Variants in BRAP observed in about 807,000 individuals in gnomAD.
BRAP encodes the protein BRCA1-associated protein.
In BRAP, 42 loss-of-function variants were observed where a neutral mutation model predicts 73.4. The ratio of observed to expected loss-of-function variants is 0.57; its 90% CI spans 0.45 to 0.74. The LOEUF (loss-of-function observed/expected upper bound fraction) is 0.74. Among genes scored for constraint, BRAP ranks in the 30% least tolerant of loss-of-function variants. The pLI is 0.00. For synonymous variants in BRAP, 255 were observed against 267.4 expected, an observed-to-expected ratio of 0.95 and a Z score of 0.45; for missense variants, 593 against 751.4, an observed-to-expected ratio of 0.79 and a Z score of 2.46.
chr12:111,678,882 G>A (rs1166856612), intron 4 of BRAP, among the ~76,000 whole-genome samples: 1 of 151,360 alleles, frequency 6.6e-6, no homozygotes, highest in Non-Finnish European at 1.5e-5. Context: ...AGCACTTTGG[G>A]AGGCCAAGGC....
At chr12:111,671,158 AG>A (rs1887156453) in intron 5 of BRAP, among the ~76,000 whole-genome samples, 1 of 152,134 alleles carries the variant, frequency 6.6e-6, no homozygotes, top group Admixed American at 6.6e-5. Flanking sequence ...TAAAATAAAG[AG>A]CTGTATTGCT....
At chr12:111,655,335 A>T (rs763818300) in intron 10 of BRAP, among the ~76,000 whole-genome samples, 318 of 90,864 alleles carry the variant, frequency 3.5e-3, no homozygotes, top group Non-Finnish European at 5.0e-3. Flanking sequence ...ACTGAGGTTT[A>T]AAAAAAAAAA....
intron 5 of BRAP, among the ~76,000 whole-genome samples, chr12:111,668,645 C>CTT (rs560483710): frequency 7.2e-6 from 1 of 139,686 alleles, no homozygotes; most frequent in African/African-American, 2.6e-5. Context: ...AAAAAGAATT[C>CTT]TTTTTTTTTT....
At chr12:111,648,977 G>T (rs1221768779) in intron 11 of BRAP, among the ~76,000 whole-genome samples, 1 of 151,902 alleles carries the variant, frequency 6.6e-6, no homozygotes, top group Non-Finnish European at 1.5e-5. Flanking sequence ...CTCCAGCCTG[G>T]GTGACAGGGA....
At position 111,655,619 on chromosome 12, in the gene BRAP, G is replaced by A. The variant is rs1225143986; in HGVS notation, c.1258C>T (p.Arg420Ter). The A allele has an allele frequency of 4.3e-6, 7 of 1,613,472 alleles. No homozygotes were observed. Among genetic ancestry groups the A allele is most frequent in the East Asian group, 2.2e-5 (1 of 44,884 alleles). ...ACTATCTTGTTTTCCCAGTAGATTC[G>A]CTGAGATTCCAGCTGGCTTGTTAGT... The part of the protein sequence containing the change: ...YLLTSQLESQ[R>*]IYWENKIVRI... The change falls in exon 10 of 12, where the codon CGA becomes TGA. Residue 420 changes from arginine to a stop codon, truncating the protein, a stop_gained. Coordinates refer to ENST00000419234, the MANE Select transcript of BRAP (RefSeq NM_006768.5). LOFTEE classifies it high-confidence loss of function.
intron 3 of BRAP, 35 bp downstream of exon 3, chr12:111,681,602 A>AAAT: frequency 2.7e-6 from 4 of 1,476,232 alleles, no homozygotes; most frequent in South Asian, 1.3e-5. Flanking sequence ...AAAAAAAAAA[A>AAAT]TTGACTAACC....
chr12:111,660,942 G>GTCCTA (rs1179746013), intron 6 of BRAP, among the ~76,000 whole-genome samples: 5 of 151,948 alleles, frequency 3.3e-5, no homozygotes, highest in Non-Finnish European at 5.9e-5. Context: ...AGTATTTACA[G>GTCCTA]GTTACAATTA....
At chr12:111,645,521 T>C (rs1886078530) in intron 11 of BRAP, among the ~76,000 whole-genome samples, 1 of 152,010 alleles carries the variant, frequency 6.6e-6, no homozygotes, top group African/African-American at 2.4e-5. Context: ...GATAAGGAAG[T>C]TATGAGGAAA....
chr12:111,669,623 T>G (rs1324597707), intron 5 of BRAP, among the ~76,000 whole-genome samples: 1 of 152,184 alleles, frequency 6.6e-6, no homozygotes, highest in Non-Finnish European at 1.5e-5. Context: ...CTTTGGAAAC[T>G]AATCACATGA....
intron 9 of BRAP, among the ~76,000 whole-genome samples, chr12:111,656,461 T>C (rs961337795): frequency 6.6e-6 from 1 of 152,218 alleles, no homozygotes; most frequent in Non-Finnish European, 1.5e-5. Flanking sequence ...TTAGGAGATA[T>C]GGCACCAGTG....
chr12:111,682,042 A>T (rs528747542), intron 2 of BRAP, among the ~76,000 whole-genome samples: 1 of 152,282 alleles, frequency 6.6e-6, no homozygotes, highest in South Asian at 2.1e-4. Flanking sequence ...TCTCATTAAC[A>T]CCCTCAGAAA....
chr12:111,655,478 T>C (rs2135902123), intron 10 of BRAP, 88 bp downstream of exon 10: 2 of 1,063,984 alleles, frequency 1.9e-6, no homozygotes, highest in East Asian at 4.8e-5. Flanking sequence ...GTAAGATTCC[T>C]CTTTCCCTGT....
At chr12:111,681,583 CAAAAAAAAA>C (rs368877992) in intron 3 of BRAP, 45 bp downstream of exon 3, 33 of 1,120,038 alleles carry the variant, frequency 2.9e-5, no homozygotes, top group Non-Finnish European at 1.2e-6. Context: ...TAAAGCAAAG[CAAAAAAAAA>C]AAAAAAAAAA....
chr12:111,660,763 T>C (rs1828916638), intron 6 of BRAP, 88 bp from the exon 7 acceptor site: 3 of 1,016,926 alleles, frequency 3.0e-6, no homozygotes, highest in Non-Finnish European at 4.3e-6. Context: ...GGATTTTATA[T>C]CCTCCTCCTC....
At chr12:111,658,262 A>C (rs1378016443) in intron 9 of BRAP, among the ~76,000 whole-genome samples, 1 of 151,788 alleles carries the variant, frequency 6.6e-6, no homozygotes, top group African/African-American at 2.4e-5. Flanking sequence ...AGAAAAACAG[A>C]ATAAAAATAT....
chr12:111,658,210 G>A (rs996462520), intron 9 of BRAP, among the ~76,000 whole-genome samples: 3 of 150,234 alleles, frequency 2.0e-5, no homozygotes, highest in Non-Finnish European at 3.0e-5. Flanking sequence ...GATTACAGGG[G>A]TGTGAGCCAC....
At chr12:111,685,448 A>G in intron 1 of BRAP, 1 of 567,148 alleles carries the variant, frequency 1.8e-6, no homozygotes, top group Non-Finnish European at 2.5e-6. Context: ...CCACTCGACT[A>G]TCTCGAGAGG....
At chr12:111,648,354 C>T (rs1360289689) in intron 11 of BRAP, among the ~76,000 whole-genome samples, 1 of 140,978 alleles carries the variant, frequency 7.1e-6, no homozygotes, top group African/African-American at 2.7e-5. Flanking sequence ...TGGCTCACGC[C>T]TGTAATCCAA....
chr12:111,645,300 C>T (rs1461137133), intron 11 of BRAP, among the ~76,000 whole-genome samples: 1 of 152,160 alleles, frequency 6.6e-6, no homozygotes, highest in African/African-American at 2.4e-5. Context: ...AACTCCTGAC[C>T]TTGTGATCCA....
Sources: allele counts gnomAD v4.1 joint callset (sites outside exome capture counted in the v4.1 genomes callset), GRCh38; gene constraint gnomAD v4.1.1; transcripts MANE v1.5; gene names NCBI Gene and HGNC (gene_info 2026-07-23, HGNC 2026-07-21).